Variants in MTUS2 observed in about 807,000 individuals in gnomAD.
MTUS2 encodes microtubule-associated tumor suppressor candidate 2.
In MTUS2, 40 loss-of-function variants were observed where a neutral mutation model predicts 114.1. The observed-to-expected ratio is 0.35, with a 90% CI of 0.27 to 0.46. The LOEUF is 0.46. MTUS2 is among the 20% of genes least tolerant of loss of function. MTUS2 has a pLI of 1.00. For synonymous variants in MTUS2, 688 were observed against 672.0 expected, an observed-to-expected ratio of 1.02 and a Z score of -0.37; for missense variants, 1,679 against 1,705.4, an observed-to-expected ratio of 0.98 and a Z score of 0.27.
intron 2 of MTUS2, among the ~76,000 whole-genome samples, chr13:29,006,692 G>C (rs1885617569): frequency 6.6e-6 from 1 of 152,138 alleles, no homozygotes. Context: ...TTGTTTGTTT[G>C]TTTTTGTATC....
At chr13:29,372,785 T>C (rs1266793278) in intron 8 of MTUS2, among the ~76,000 whole-genome samples, 2 of 152,202 alleles carry the variant, frequency 1.3e-5, no homozygotes, top group Admixed American at 6.5e-5. Flanking sequence ...CCATTACTTA[T>C]ATGAAGACCC....
chr13:29,119,743 T>C (rs1891231744), intron 5 of MTUS2, among the ~76,000 whole-genome samples: 1 of 152,168 alleles, frequency 6.6e-6, no homozygotes, highest in East Asian at 1.9e-4. Context: ...CTTAAAGGAT[T>C]GGATGGTGCC....
chr13:29,306,615 A>G (rs1462420160), intron 6 of MTUS2, among the ~76,000 whole-genome samples: 1 of 152,206 alleles, frequency 6.6e-6, no homozygotes, highest in East Asian at 1.9e-4. Flanking sequence ...AAAACTACAT[A>G]CCACTGCTCA....
intron 5 of MTUS2, among the ~76,000 whole-genome samples, chr13:29,121,235 T>C (rs1245099036): frequency 6.6e-6 from 1 of 152,236 alleles, no homozygotes; most frequent in East Asian, 1.9e-4. Flanking sequence ...TGTCTTTGAT[T>C]GCTCTCATAC....
chr13:28,905,184 A>G (rs947664034), intron 2 of MTUS2, among the ~76,000 whole-genome samples: 3 of 151,618 alleles, frequency 2.0e-5, no homozygotes, highest in East Asian at 1.9e-4. Flanking sequence ...TAGATATACA[A>G]TCATGTCATC....
intron 8 of MTUS2, among the ~76,000 whole-genome samples, chr13:29,363,706 A>G (rs1168616262): frequency 6.6e-6 from 1 of 152,152 alleles, no homozygotes; most frequent in Non-Finnish European, 1.5e-5. Flanking sequence ...TGTATATTTG[A>G]ACTTCAACCT....
At chr13:29,383,220 G>GTA (rs1872353790) in intron 8 of MTUS2, among the ~76,000 whole-genome samples, 2 of 74,212 alleles carry the variant, frequency 2.7e-5, no homozygotes, top group Non-Finnish European at 5.3e-5. Context: ...AAAATTGAGT[G>GTA]TGTGTGTGTG....
At chr13:29,033,650 C>T (rs1470440181) in intron 3 of MTUS2, among the ~76,000 whole-genome samples, 1 of 152,110 alleles carries the variant, frequency 6.6e-6, no homozygotes, top group Non-Finnish European at 1.5e-5. Flanking sequence ...TTCTTTTTAA[C>T]TCCAGTGAAC....
At chr13:29,131,390 G>C (rs1024238066) in intron 5 of MTUS2, among the ~76,000 whole-genome samples, 4 of 152,248 alleles carry the variant, frequency 2.6e-5, no homozygotes, top group African/African-American at 9.6e-5. Context: ...AGCTAACTTA[G>C]AGATGCCCTG....
At chr13:29,258,903 C>G (rs925648861) in intron 5 of MTUS2, among the ~76,000 whole-genome samples, 1 of 152,176 alleles carries the variant, frequency 6.6e-6, no homozygotes, top group African/African-American at 2.4e-5. Flanking sequence ...ACCACTTAGT[C>G]AAGGAGCTTT....
At chr13:28,924,067 A>G (rs1448384031) in intron 2 of MTUS2, among the ~76,000 whole-genome samples, 2 of 152,074 alleles carry the variant, frequency 1.3e-5, no homozygotes, top group Admixed American at 6.6e-5. Context: ...TGTCAGTAGG[A>G]TTCCAGTTTG....
intron 2 of MTUS2, among the ~76,000 whole-genome samples, chr13:28,892,186 A>G (rs952176350): frequency 6.6e-6 from 1 of 152,138 alleles, no homozygotes; most frequent in African/African-American, 2.4e-5. Context: ...CTTAGTATTT[A>G]TATACCCTGT....
intron 4 of MTUS2, among the ~76,000 whole-genome samples, chr13:29,077,157 GTCTT>G (rs1889228663): frequency 6.6e-6 from 1 of 152,120 alleles, no homozygotes; most frequent in African/African-American, 2.4e-5. Context: ...GTTTAATTGT[GTCTT>G]TCTTTTCTCC....
At chr13:28,911,855 T>A (rs1404194936) in intron 2 of MTUS2, among the ~76,000 whole-genome samples, 2 of 151,376 alleles carry the variant, frequency 1.3e-5, no homozygotes, top group South Asian at 4.2e-4. Context: ...GTTTTTTTTT[T>A]TTTTTTTTGT....
intron 2 of MTUS2, among the ~76,000 whole-genome samples, chr13:28,915,414 ACAATGTATGAGGGTTCTCTTTGCT>A (rs1233912332): frequency 4.6e-5 from 7 of 152,010 alleles, no homozygotes; most frequent in Admixed American, 4.6e-4. Flanking sequence ...ATTTCAACCA[ACAATGTATGAGGGTTCTCTTTGCT>A]CCATATCCTC....
Position 29,026,320 on chromosome 13 carries a change from CTG to C in MTUS2, c.1625_1626del (p.Val542GlufsTer11). ...CCAGCACCCCTCCACCCAGAGACAA[CTG>C]TGAACATGACCTACCAGCCTACAAC... On this transcript the variant is annotated frameshift_variant, in exon 3 of 16. Transcript: ENST00000612955. LOFTEE classifies it high-confidence loss of function. The C allele has an allele frequency of 6.2e-7, 1 of 1,614,018 alleles. No individual in the cohort carries two copies. Among genetic ancestry groups the C allele is most frequent in the Non-Finnish European group, 8.5e-7 (1 of 1,179,898 alleles).
chr13:28,894,303 A>G (rs1158272301), intron 2 of MTUS2, among the ~76,000 whole-genome samples: 27 of 3,202 alleles, frequency 8.4e-3, no homozygotes, highest in Admixed American at 0.017. Context: ...AGAGAGAGAG[A>G]GGGGGGGGGG....
chr13:28,917,026 ATATGATTTTTGTCCTT>A (rs1250355531), intron 2 of MTUS2, among the ~76,000 whole-genome samples: 5 of 151,924 alleles, frequency 3.3e-5, no homozygotes, highest in Admixed American at 1.3e-4. Flanking sequence ...TAAAATGATT[ATATGATTTTTGTCCTT>A]CATTCTGTTG....
chr13:29,499,190 TCTGACCCACA>T (rs910855696), intron 14 of MTUS2, among the ~76,000 whole-genome samples: 1 of 152,114 alleles, frequency 6.6e-6, no homozygotes, highest in African/African-American at 2.4e-5. Context: ...GAGTCCTAGC[TCTGACCCACA>T]CTCGCCCACC....
Sources: gnomAD v4.1 joint callset for allele counts (sites outside exome capture counted in the v4.1 genomes callset) on GRCh38, gnomAD v4.1.1 for gene constraint, MANE v1.5 for transcripts, NCBI Gene and HGNC (gene_info 2026-07-23, HGNC 2026-07-21) for gene names.